Variants in PDSS2 observed in about 807,000 individuals in gnomAD.
PDSS2 encodes the protein decaprenyl diphosphate synthase subunit 2.
In PDSS2, 31 loss-of-function variants were observed where a neutral mutation model predicts 44.5. The observed-to-expected ratio is 0.70, with a 90% confidence interval of 0.52 to 0.94. The LOEUF (loss-of-function observed/expected upper bound fraction) is 0.94, where lower values mean the gene tolerates loss of function less well. PDSS2 is among the 40% of genes least tolerant of loss of function. The pLI is 0.00. For synonymous variants in PDSS2, 157 were observed against 180.3 expected, an observed-to-expected ratio of 0.87 and a Z score of 1.03; for missense variants, 452 against 482.2, an observed-to-expected ratio of 0.94 and a Z score of 0.59.
intron 4 of PDSS2, among the ~76,000 whole-genome samples, chr6:107,227,173 G>A (rs551955054): frequency 6.6e-6 from 1 of 150,758 alleles, no homozygotes; most frequent in African/African-American, 2.4e-5. Context: ...GGTAGAGACA[G>A]GGTTTTACCA....
chr6:107,368,707 C>T (rs187016065), intron 1 of PDSS2, among the ~76,000 whole-genome samples: 1 of 152,114 alleles, frequency 6.6e-6, no homozygotes, highest in African/African-American at 2.4e-5. Flanking sequence ...ACATACCAGG[C>T]ATCACAGGCA....
At position 107,459,214 on chromosome 6, in the gene PDSS2, C is replaced by T; in HGVS notation, c.72G>A (p.Trp24Ter). 6.2e-7 allele frequency: 1 copy of T among 1,614,098 alleles called. No individual in the cohort carries two copies. Among genetic ancestry groups the T allele is most frequent in the Non-Finnish European group, 8.5e-7 (1 of 1,180,006 alleles). ...AGATGGTGTCGAGGGACGGGGACCA[C>T]CACAGGCGACGCGGGGAACCCGAGG... ...LGASGSPRRL[W>*]WSPSLDTISS... The change falls in exon 1 of 8, where the codon TGG (tryptophan) becomes TGA (stop). Residue 24 changes from tryptophan (W) to a stop codon, truncating the protein, a stop_gained. Transcript: ENST00000369037. LOFTEE classifies it high-confidence loss of function. This position sits in a 1 kb window ranked among gnomAD's most constrained non-coding sequence, Gnocchi z 4.3.
At chr6:107,173,630 T>G (rs1554249212) in intron 7 of PDSS2, among the ~76,000 whole-genome samples, 1 of 145,568 alleles carries the variant, frequency 6.9e-6, no homozygotes, top group East Asian at 2.0e-4. Flanking sequence ...TCTAGTGTCA[T>G]GCTACCAGAA....
At chr6:107,334,440 A>T in intron 1 of PDSS2, 108 bp from the exon 2 acceptor site, 2 of 1,006,906 alleles carry the variant, frequency 2.0e-6, no homozygotes, top group Non-Finnish European at 1.6e-6. Flanking sequence ...GGACAATGAG[A>T]CTTACTGAAA....
chr6:107,376,609 G>C (rs1462978924), intron 1 of PDSS2, among the ~76,000 whole-genome samples: 2 of 152,168 alleles, frequency 1.3e-5, no homozygotes, highest in Non-Finnish European at 2.9e-5. Flanking sequence ...CATTGATTTT[G>C]CATCCTGAGA....
At chr6:107,302,091 T>C (rs1248898741) in intron 2 of PDSS2, among the ~76,000 whole-genome samples, 1 of 152,168 alleles carries the variant, frequency 6.6e-6, no homozygotes, top group Non-Finnish European at 1.5e-5. Context: ...ATGGGTGATA[T>C]GTAAATGATT....
At chr6:107,384,057 T>C (rs1362386988) in intron 1 of PDSS2, among the ~76,000 whole-genome samples, 1 of 152,234 alleles carries the variant, frequency 6.6e-6, no homozygotes, top group African/African-American at 2.4e-5. Context: ...ATGTGGTATA[T>C]ATTCATACAC....
intron 1 of PDSS2, among the ~76,000 whole-genome samples, chr6:107,391,329 A>T (rs1443903175): frequency 6.6e-6 from 1 of 152,152 alleles, no homozygotes; most frequent in Non-Finnish European, 1.5e-5. Flanking sequence ...GAATAAAGAA[A>T]GGCAGTGAAA....
At chr6:107,428,894 A>C (rs917672129) in intron 1 of PDSS2, among the ~76,000 whole-genome samples, 1 of 152,176 alleles carries the variant, frequency 6.6e-6, no homozygotes, top group Non-Finnish European at 1.5e-5. Context: ...GTTCACAGTC[A>C]TGGGAACACT....
intron 1 of PDSS2, among the ~76,000 whole-genome samples, chr6:107,360,361 A>T (rs951978995): frequency 2.6e-5 from 4 of 152,210 alleles, no homozygotes; most frequent in Non-Finnish European, 5.9e-5. Context: ...TACCTCATTA[A>T]AAATGTGGTG....
intron 1 of PDSS2, among the ~76,000 whole-genome samples, chr6:107,402,346 T>A (rs1390659987): frequency 6.8e-6 from 1 of 147,648 alleles, no homozygotes; most frequent in African/African-American, 2.5e-5. Context: ...TCAACAAGTA[T>A]GGGACTATAT....
At chr6:107,281,838 T>A (rs1183038582) in intron 2 of PDSS2, among the ~76,000 whole-genome samples, 2 of 152,180 alleles carry the variant, frequency 1.3e-5, no homozygotes, top group Admixed American at 1.3e-4. Context: ...AATTATACTA[T>A]CCTACTTCCC....
chr6:107,279,703 T>A (rs941781901), intron 2 of PDSS2, among the ~76,000 whole-genome samples: 1 of 152,168 alleles, frequency 6.6e-6, no homozygotes, highest in Admixed American at 6.5e-5. Flanking sequence ...TTTAAAAAAA[T>A]GATTACTATT....
chr6:107,301,195 A>T (rs929060208), intron 2 of PDSS2, among the ~76,000 whole-genome samples: 1 of 151,986 alleles, frequency 6.6e-6, no homozygotes, highest in Non-Finnish European at 1.5e-5. Flanking sequence ...TGTATATATT[A>T]CTCCTTTCCT....
chr6:107,367,332 A>T (rs1778986990), intron 1 of PDSS2, among the ~76,000 whole-genome samples: 1 of 152,226 alleles, frequency 6.6e-6, no homozygotes, highest in East Asian at 1.9e-4. Context: ...TATGTGAGAA[A>T]CAGAAGGAAA....
At position 107,156,763 on chromosome 6, in the gene PDSS2, C is replaced by A. The variant is rs538844391; in HGVS notation, c.1042-1986G>T. 2.0e-5 allele frequency among the ~76,000 whole-genome samples: 3 copies of A among 152,318 alleles called. No individual in the cohort carries two copies. The South Asian group carries it at 6.2e-4, about 32-fold the overall frequency. On this transcript the variant is annotated intron_variant, in intron 7 of 7. Coordinates refer to ENST00000369037, the MANE Select transcript of PDSS2 (RefSeq NM_020381.4). ...ACTGGAGATGCTCCTTGGCCTGGAT[C>A]CCTGAGTGACTGTAATGAGCACCAC...
At chr6:107,281,476 T>C (rs1775957727) in intron 2 of PDSS2, among the ~76,000 whole-genome samples, 1 of 152,216 alleles carries the variant, frequency 6.6e-6, no homozygotes, top group Non-Finnish European at 1.5e-5. Context: ...AGACATCTCA[T>C]GTTCATAATT....
chr6:107,177,545 C>T (rs1376841414), intron 7 of PDSS2, among the ~76,000 whole-genome samples: 1 of 152,176 alleles, frequency 6.6e-6, no homozygotes, highest in African/African-American at 2.4e-5. Context: ...GAAAAGCAAT[C>T]ACTGCCTCTT....
chr6:107,206,108 G>C (rs1772966245), intron 6 of PDSS2, among the ~76,000 whole-genome samples: 1 of 152,228 alleles, frequency 6.6e-6, no homozygotes, highest in South Asian at 2.1e-4. Context: ...ATCTCAGTCT[G>C]TCACCCAGGC....
Sources: allele counts gnomAD v4.1 joint callset (sites outside exome capture counted in the v4.1 genomes callset), GRCh38; gene constraint gnomAD v4.1.1; non-coding constraint Gnocchi (gnomAD v3.1); transcripts MANE v1.5; gene names NCBI Gene and HGNC (gene_info 2026-07-23, HGNC 2026-07-21).